The following NCOA6 variants were observed in gnomAD, a reference collection of about 807,000 sequenced individuals.
The protein encoded by NCOA6 is nuclear receptor coactivator 6, also known as NRC RAP250.
Under a neutral mutation model 171.4 loss-of-function variants are expected in NCOA6, and 49 were observed. The ratio of observed to expected loss-of-function variants is 0.29; its 90% CI spans 0.23 to 0.36. The LOEUF (loss-of-function observed/expected upper bound fraction) is 0.36, where lower values mean the gene tolerates loss of function less well. Ranked by LOEUF, NCOA6 falls within the 10% of genes least tolerant of loss-of-function variation. The pLI is 1.00. For missense variants in NCOA6, 2,248 were observed against 2,554.5 expected (o/e 0.88, Z 2.59); for synonymous variants, 910 against 927.5 (o/e 0.98, Z 0.34).
At chr20:34,812,109 T>C (rs1478144255) in intron 1 of NCOA6, among the ~76,000 whole-genome samples, 2 of 151,854 alleles carry the variant, frequency 1.3e-5, no homozygotes, top group Non-Finnish European at 2.9e-5. Context: ...AAAAATTAGC[T>C]GGGCGTGGTG....
In NCOA6 at chr20:34,742,688, G is replaced by A. The variant is rs1294358447; in HGVS notation, c.3568C>T (p.Pro1190Ser). The A allele has an allele frequency of 6.2e-7, 1 of 1,614,056 alleles. No individual in the cohort carries two copies. The highest frequency in any genetic ancestry group is 1.3e-5 in the African/African-American group (1 of 74,908). ...TPQQPPVNSLPSSHGHHFPNV... is the reference protein window; with the variant it reads ...TPQQPPVNSLSSSHGHHFPNV... The stretch of plus-strand genomic sequence containing the variant: ...GGGAAGTGGTGGCCGTGAGAGCTGG[G>A]CAGGGAATTTACAGGGGGTTGCTGG... Residue 1190 changes from proline (P) to serine (S), a missense_variant, in exon 11 of 15, where the codon CCC (proline) becomes TCC (serine). Coordinates refer to ENST00000359003, the MANE Select transcript of NCOA6 (RefSeq NM_014071.5).
At chr20:34,760,484 T>C (rs1038890630) in intron 5 of NCOA6, among the ~76,000 whole-genome samples, 3 of 152,230 alleles carry the variant, frequency 2.0e-5, no homozygotes, top group Non-Finnish European at 4.4e-5. Flanking sequence ...TTTTGATTTT[T>C]GGCATCGAGG....
In NCOA6 at chr20:34,723,135, C is replaced by G. The variant is rs569256497; in HGVS notation, c.6148+4124G>C. Among the ~76,000 whole-genome samples, 13 of 152,322 alleles carry G rather than the reference C, an allele frequency of 8.5e-5. No homozygotes were observed. The South Asian group carries it at 2.5e-3, about 29-fold the overall frequency. Reference sequence around the variant, plus strand: ...TGGTTACGAGGGGTTCATGGAAACTCCAATTTTTAGCCAGCTAGTCAGAAG... The same window carrying G: ...TGGTTACGAGGGGTTCATGGAAACTGCAATTTTTAGCCAGCTAGTCAGAAG... On this transcript the variant is annotated intron_variant, in intron 14 of 14. Coordinates refer to ENST00000359003, the MANE Select transcript of NCOA6 (RefSeq NM_014071.5).
At chr20:34,824,915 C>T (rs1266283225) in intron 1 of NCOA6, among the ~76,000 whole-genome samples, 1 of 152,152 alleles carries the variant, frequency 6.6e-6, no homozygotes. Flanking sequence ...CAAAGAACTG[C>T]TCCAGCCCTG....
At chr20:34,728,865 A>G (rs962109566) in intron 13 of NCOA6, among the ~76,000 whole-genome samples, 5 of 152,250 alleles carry the variant, frequency 3.3e-5, no homozygotes, top group Admixed American at 2.0e-4. Context: ...AATGAACAGT[A>G]TAATTCCATT....
At chr20:34,801,457 AC>A in intron 1 of NCOA6, among the ~76,000 whole-genome samples, 1 of 152,316 alleles carries the variant, frequency 6.6e-6, no homozygotes, top group East Asian at 1.9e-4. Flanking sequence ...AACCAGACTA[AC>A]AAAAAAAGAG....
intron 2 of NCOA6, among the ~76,000 whole-genome samples, chr20:34,791,859 A>G (rs150467777): frequency 2.0e-4 from 30 of 152,296 alleles, no homozygotes; most frequent in African/African-American, 5.8e-4. Flanking sequence ...AAATGTTCTA[A>G]TATTAGCAAC....
intron 11 of NCOA6, 103 bp downstream of exon 11, chr20:34,740,260 C>A: frequency 7.1e-7 from 1 of 1,407,520 alleles, no homozygotes. Flanking sequence ...TGCCATTTAG[C>A]CCATTCTCTT....
intron 2 of NCOA6, among the ~76,000 whole-genome samples, chr20:34,785,592 TTGC>T (rs1431176572): frequency 2.0e-5 from 3 of 152,158 alleles, no homozygotes; most frequent in Admixed American, 6.5e-5. Flanking sequence ...GGCTTAAAAG[TTGC>T]TGCTTAGCAG....
At chr20:34,726,675 C>T (rs1357007105) in intron 14 of NCOA6, among the ~76,000 whole-genome samples, 1 of 152,018 alleles carries the variant, frequency 6.6e-6, no homozygotes, top group Non-Finnish European at 1.5e-5. Context: ...ATCCCAGCTA[C>T]TCAGGACGCT....
At position 34,737,053 on chromosome 20, in the gene NCOA6, G is replaced by A. The variant is rs78591014; in HGVS notation, c.5894-295C>T. Among the ~76,000 whole-genome samples the A allele has an allele frequency of 9.2e-3, 1,397 of 152,046 alleles. 27 individuals carry two copies. The highest frequency in any genetic ancestry group is 0.032 in the African/African-American group (1,327 of 41,446). On this transcript the variant is annotated intron_variant, in intron 11 of 14. Transcript: ENST00000359003. ...TAGCACTCACATTTTCTGCTTCTTG[G>A]GGTCAGGTCCTGACCACTACTTGAA...
chr20:34,715,853 GT>G (rs1988499093), intron 14 of NCOA6, among the ~76,000 whole-genome samples: 1 of 152,154 alleles, frequency 6.6e-6, no homozygotes, highest in African/African-American at 2.4e-5. Flanking sequence ...TCATGCTATA[GT>G]CAAGGTCTAA....
Position 34,750,065 on chromosome 20 carries a change from G to A in NCOA6, c.2130C>T (p.Asn710=). ...GPQGQVLLQQ[N]PMIEQIMTNQ... ...TGGTCATAATCTGCTCTATCATTGG[G>A]TTCTGTTGGAGCAAAACCTGCCCCT... The change falls in exon 9 of 15, where the codon AAC becomes AAT. Residue 710 remains asparagine, a synonymous_variant. Transcript: ENST00000359003. The A allele has an allele frequency of 1.2e-6, 2 of 1,614,196 alleles. No homozygotes were observed. The highest frequency in any genetic ancestry group is 1.3e-5 in the African/African-American group (1 of 75,048).
Position 34,746,915 on chromosome 20 carries a change from G to A in NCOA6, c.2806C>T (p.Arg936Cys), listed in dbSNP as rs1339243841. 5.2e-6 allele frequency: 8 copies of A among 1,547,086 alleles called. No individual in the cohort carries two copies. The highest frequency in any genetic ancestry group is 4.3e-5 in the African/African-American group (3 of 69,106). Residue 936 changes from arginine to cysteine, a missense_variant, in exon 10 of 15, where the codon CGC becomes TGC. Arg to Cys is a radical substitution (Grantham distance 180). Around this residue, in one of 7 missense-constraint regions of NCOA6, gnomAD observed 352 missense variants for 419.1 expected, o/e 0.84. Transcript: ENST00000359003. ...TCAGCCTCTTCCAGACCAGCTGGGC[G>A]AGTATCTGGGGTGCTAAAAAAAAAA... ...SQQDLNTPDTRPAGLEEADQP... is the reference protein window; with the variant it reads ...SQQDLNTPDTCPAGLEEADQP...
At chr20:34,808,169 AAC>A (rs1203330582) in intron 1 of NCOA6, among the ~76,000 whole-genome samples, 1 of 151,658 alleles carries the variant, frequency 6.6e-6, no homozygotes, top group Non-Finnish European at 1.5e-5. Flanking sequence ...AAAAAAAAGA[AAC>A]AGTGTCTTGC....
At chr20:34,796,914 TA>T (rs1287521122) in intron 1 of NCOA6, among the ~76,000 whole-genome samples, 2 of 152,156 alleles carry the variant, frequency 1.3e-5, no homozygotes, top group African/African-American at 2.4e-5. Flanking sequence ...TCTTTTTGAA[TA>T]ATGTTTTTCT....
intron 9 of NCOA6, among the ~76,000 whole-genome samples, chr20:34,748,661 A>T (rs1004845756): frequency 6.6e-6 from 1 of 152,182 alleles, no homozygotes; most frequent in African/African-American, 2.4e-5. Context: ...ATAAATTGTT[A>T]ATTGCCTTTC....
At chr20:34,787,621 G>A (rs2077726505) in intron 2 of NCOA6, among the ~76,000 whole-genome samples, 1 of 152,138 alleles carries the variant, frequency 6.6e-6, no homozygotes, top group African/African-American at 2.4e-5. Context: ...AACAAACTTT[G>A]CCATTTACAA....
At chr20:34,722,390 A>C (rs1455890453) in intron 14 of NCOA6, among the ~76,000 whole-genome samples, 1 of 151,452 alleles carries the variant, frequency 6.6e-6, no homozygotes, top group Non-Finnish European at 1.5e-5. Flanking sequence ...AAAAATAAAT[A>C]AATAAATAAA....
Sources: gnomAD v4.1 joint callset for allele counts (sites outside exome capture counted in the v4.1 genomes callset) on GRCh38, gnomAD v4.1.1 for gene constraint, gnomAD v4.1.1 regional missense constraint, MANE v1.5 for transcripts, NCBI Gene and HGNC (gene_info 2026-07-23, HGNC 2026-07-21) for gene names.